RGS8: variants seen among roughly 807,000 people sequenced by gnomAD.
RGS8 encodes the protein regulator of G-protein signaling 8.
RGS8 carries 8 observed loss-of-function variants against 21.7 expected under a neutral mutation model. That is an observed-to-expected ratio of 0.37 (90% CI 0.22 to 0.66). RGS8 has a LOEUF of 0.66. Among genes scored for constraint, RGS8 ranks in the 30% least tolerant of loss-of-function variants. The pLI, the probability that RGS8 is intolerant of heterozygous loss-of-function variation, is 0.59. For synonymous variants in RGS8, 80 were observed against 83.6 expected, an observed-to-expected ratio of 0.96 and a Z score of 0.24; for missense variants, 157 against 217.9, an observed-to-expected ratio of 0.72 and a Z score of 1.76.
At chr1:182,740,554 T>TG in the RGS8 span, among the ~76,000 whole-genome samples, 1 of 137,200 alleles carries the variant, frequency 7.3e-6, no homozygotes, top group African/African-American at 2.9e-5. Context: ...GTTTGTTTTT[T>TG]TTTTTTTTTT....
the RGS8 span, among the ~76,000 whole-genome samples, chr1:182,740,700 G>C: frequency 8.7e-5 from 13 of 149,716 alleles, no homozygotes; most frequent in East Asian, 2.0e-4. Context: ...AGGACCCTGC[G>C]GCCTTCCGCA....
At chr1:182,672,022 C>G (rs1283252630), upstream of RGS8, 1 of 782,728 alleles carries the variant, frequency 1.3e-6, no homozygotes, top group African/African-American at 1.8e-5. Flanking sequence ...CTGAGCTGAG[C>G]TCAGCCTCAC....
At chr1:182,647,371 T>G (rs1258684485) in intron 6 of RGS8, among the ~76,000 whole-genome samples, 1 of 152,218 alleles carries the variant, frequency 6.6e-6, no homozygotes, top group Non-Finnish European at 1.5e-5. Flanking sequence ...CTGGTTAGAA[T>G]GCACATCTGT....
the RGS8 span, among the ~76,000 whole-genome samples, chr1:182,739,504 G>A: frequency 1.8e-4 from 28 of 152,160 alleles, no homozygotes; most frequent in Non-Finnish European, 2.9e-5. Context: ...CATTTATGAA[G>A]AATTGGGGTT....
At chr1:182,654,332 T>A (rs2102415307) in intron 5 of RGS8, among the ~76,000 whole-genome samples, 1 of 151,824 alleles carries the variant, frequency 6.6e-6, no homozygotes, top group East Asian at 1.9e-4. Flanking sequence ...CTAGAAAAAG[T>A]GAAAGAACTT....
chr1:182,669,497 G>A, intron 3 of RGS8, 127 bp downstream of exon 4: 2 of 1,375,040 alleles, frequency 1.5e-6, no homozygotes, highest in Admixed American at 1.7e-5. Context: ...AGGCCTATGG[G>A]GACAGATGAA....
At chr1:182,726,621 G>A in the RGS8 span, among the ~76,000 whole-genome samples, 1 of 151,284 alleles carries the variant, frequency 6.6e-6, no homozygotes, top group East Asian at 1.9e-4. Context: ...GGTGAGCCAA[G>A]ATCACACCAT....
At chr1:182,646,706 G>A (rs746532944) in exon 7 of RGS8, 97 of 1,577,942 alleles carry the variant, frequency 6.1e-5, no homozygotes, top group South Asian at 1.5e-4. Context: ...GGGGAAAGCC[G>A]GTGATTTCCA....
the RGS8 span, among the ~76,000 whole-genome samples, chr1:182,690,876 A>G: frequency 1.3e-5 from 2 of 152,238 alleles, 1 homozygote; most frequent in African/African-American, 4.8e-5. Context: ...AATAGCAAAC[A>G]GGATGCAAGT....
At chr1:182,670,941 A>C (rs1664128469) in intron 2 of RGS8, among the ~76,000 whole-genome samples, 1 of 152,104 alleles carries the variant, frequency 6.6e-6, no homozygotes, top group Non-Finnish European at 1.5e-5. Flanking sequence ...TGTTTGGGGC[A>C]CCTAGGCCTC....
chr1:182,722,357 A>G, the RGS8 span, among the ~76,000 whole-genome samples: 1 of 136,750 alleles, frequency 7.3e-6, no homozygotes, highest in Non-Finnish European at 1.6e-5. Context: ...TGCCATAGCA[A>G]ATTACCAAAA....
the RGS8 span, among the ~76,000 whole-genome samples, chr1:182,692,946 A>G: frequency 3.7e-4 from 57 of 152,292 alleles, no homozygotes; most frequent in South Asian, 1.0e-3. Context: ...TTGAAACCAG[A>G]CCCCTTTCTT....
intron 5 of RGS8, among the ~76,000 whole-genome samples, chr1:182,656,428 C>T (rs1369313376): frequency 6.6e-6 from 1 of 152,184 alleles, no homozygotes; most frequent in South Asian, 2.1e-4. Flanking sequence ...TTAGGTGCCA[C>T]CAATAACTTG....
downstream of RGS8, chr1:182,643,333 C>CG (rs1553214948): frequency 1.6e-5 from 2 of 126,354 alleles, no homozygotes; most frequent in African/African-American, 3.6e-5. Flanking sequence ...GCCCCCCCGC[C>CG]CCCGCGCTGT....
At chr1:182,709,920 CT>C in the RGS8 span, among the ~76,000 whole-genome samples, 1 of 152,158 alleles carries the variant, frequency 6.6e-6, no homozygotes, top group African/African-American at 2.4e-5. Flanking sequence ...CAGAATCCAA[CT>C]CTAGATTCTG....
chr1:182,747,222 C>T, the RGS8 span, among the ~76,000 whole-genome samples: 2 of 151,710 alleles, frequency 1.3e-5, no homozygotes, highest in East Asian at 1.9e-4. Context: ...TCTTTAGACA[C>T]ATGTAATTTC....
intron 5 of RGS8, among the ~76,000 whole-genome samples, chr1:182,654,674 G>C (rs1020007182): frequency 6.6e-6 from 1 of 152,070 alleles, no homozygotes; most frequent in Non-Finnish European, 1.5e-5. Flanking sequence ...GGAAGGGTTT[G>C]GAACAGCGAC....
chr1:182,664,367 T>C (rs1294404418), intron 5 of RGS8, among the ~76,000 whole-genome samples: 4 of 152,160 alleles, frequency 2.6e-5, no homozygotes, highest in African/African-American at 9.7e-5. Flanking sequence ...ACGAAAGGTG[T>C]CCTCTTATTA....
chr1:182,681,138 A>G (rs941322871), intron 1 of RGS8, among the ~76,000 whole-genome samples: 1 of 152,228 alleles, frequency 6.6e-6, no homozygotes, highest in African/African-American at 2.4e-5. Context: ...AGAAGGCAGA[A>G]GCCCCACACC....
Sources: gnomAD v4.1 joint callset for allele counts (sites outside exome capture counted in the v4.1 genomes callset) on GRCh38, gnomAD v4.1.1 for gene constraint, MANE v1.5 for transcripts, NCBI Gene and HGNC (gene_info 2026-07-23, HGNC 2026-07-21) for gene names.